Variants in VAV2 observed in about 807,000 individuals in gnomAD.
VAV2 encodes the protein guanine nucleotide exchange factor VAV2.
Under a neutral mutation model 132.5 loss-of-function variants are expected in VAV2, and 67 were observed. That is an observed-to-expected ratio of 0.51 (90% confidence interval 0.42 to 0.62). VAV2 has a LOEUF of 0.62. Among genes scored for constraint, VAV2 ranks in the 20% least tolerant of loss-of-function variants. The pLI, the probability that VAV2 is intolerant of heterozygous loss-of-function variation, is 0.00. For missense variants in VAV2, 938 were observed against 1,153.6 expected (o/e 0.81, Z 2.71); for synonymous variants, 492 against 443.5 (o/e 1.11, Z -1.37).
chr9:133,945,527 A>T (rs1412470097), intron 1 of VAV2, among the ~76,000 whole-genome samples: 3 of 152,218 alleles, frequency 2.0e-5, no homozygotes. Context: ...CCGCGATCTG[A>T]ACCCAGGCCC....
intron 1 of VAV2, among the ~76,000 whole-genome samples, chr9:133,987,360 G>A (rs1392580158): frequency 1.3e-5 from 2 of 152,238 alleles, no homozygotes; most frequent in African/African-American, 2.4e-5. Flanking sequence ...GTGGGGAGAG[G>A]GTGAAACCCA....
At chr9:133,913,171 T>C (rs1839941918) in intron 2 of VAV2, among the ~76,000 whole-genome samples, 1 of 152,124 alleles carries the variant, frequency 6.6e-6, no homozygotes, top group Non-Finnish European at 1.5e-5. Context: ...TGAGACAATG[T>C]CCCAGAGCCC....
chr9:133,908,774 C>G (rs1839769445), intron 2 of VAV2, among the ~76,000 whole-genome samples: 1 of 152,258 alleles, frequency 6.6e-6, no homozygotes, highest in Admixed American at 6.5e-5. Flanking sequence ...AGCTACAAAC[C>G]AGGTGCCAGG....
rs558409979 is a variant in VAV2 at position 133,769,783 on chromosome 9, T to C, written c.2348-280A>G. Among the ~76,000 whole-genome samples the C allele has an allele frequency of 6.6e-6, 1 of 152,292 alleles. No homozygotes were observed. The highest frequency in any genetic ancestry group is 2.4e-5 in the African/African-American group (1 of 41,572). The stretch of plus-strand genomic sequence containing the variant: ...TCCTCTCATGCCCTCGCCTGGCACA[T>C]AGCAGGTGCTCACTAAGGCCAGCTG... On this transcript the variant is annotated intron_variant, in intron 27 of 29. Coordinates refer to ENST00000371850, the MANE Select transcript of VAV2 (RefSeq NM_001134398.2). The surrounding 1 kb of genome is among the most constrained non-coding windows in gnomAD (Gnocchi z 8.1).
chr9:133,861,451 G>C lies in VAV2; in HGVS notation c.322-19C>G, dbSNP rs781243321. On this transcript the variant is annotated intron_variant, in intron 2 of 29. Coordinates refer to ENST00000371850, the MANE Select transcript of VAV2 (RefSeq NM_001134398.2). The stretch of plus-strand genomic sequence containing the variant: ...AGATGACCTGGGGGAGACAAGAAGA[G>C]ACGCTCCTGTAATTTCACAAGAAAC... 6 of 1,612,056 alleles carry C rather than the reference G, an allele frequency of 3.7e-6. No individual in the cohort carries two copies. In the Admixed American group the frequency reaches 6.7e-5, roughly 18 times the overall value.
chr9:133,982,481 A>C (rs1252501792), intron 1 of VAV2, among the ~76,000 whole-genome samples: 1 of 150,420 alleles, frequency 6.6e-6, no homozygotes, highest in African/African-American at 2.5e-5. Flanking sequence ...AGGCCCCAAG[A>C]GGGGGCCTAG....
At chr9:133,948,893 A>G (rs1394510344) in intron 1 of VAV2, among the ~76,000 whole-genome samples, 5 of 152,354 alleles carry the variant, frequency 3.3e-5, no homozygotes, top group Admixed American at 3.3e-4. Context: ...GGGAAGACCC[A>G]GGTCTAATCC....
In VAV2 at chr9:133,769,629, G is replaced by C; in HGVS notation, c.2348-126C>G. On this transcript the variant is annotated intron_variant, in intron 27 of 29. Coordinates refer to ENST00000371850, the MANE Select transcript of VAV2 (RefSeq NM_001134398.2). This position sits in a 1 kb window ranked among gnomAD's most constrained non-coding sequence, Gnocchi z 8.1. Reference sequence around the variant, plus strand: ...CCTTTGGCAGGAGAGGCCCTACAGGGGGGCAAAGGAGGCAGGGGGCAGCAC... The same window carrying C: ...CCTTTGGCAGGAGAGGCCCTACAGGCGGGCAAAGGAGGCAGGGGGCAGCAC... 9.8e-7 allele frequency: 1 copy of C among 1,021,566 alleles called. No homozygotes were observed. The highest frequency in any genetic ancestry group is 1.4e-6 in the Non-Finnish European group (1 of 700,956). 63.3% of individuals were successfully genotyped at this position (1,021,566 alleles called of 1,614,324 possible).
intron 16 of VAV2, 84 bp downstream of exon 16, chr9:133,787,162 G>A (rs1834259457): frequency 1.8e-5 from 26 of 1,420,084 alleles, no homozygotes; most frequent in Non-Finnish European, 2.3e-5. Context: ...TCAGGCCCCT[G>A]GGTCCCCTGG....
rs190954707 is a variant in VAV2, at chr9:133,880,961, G to A, written c.322-19529C>T. 3.5e-3 allele frequency among the ~76,000 whole-genome samples: 532 copies of A among 152,318 alleles called. 1 individual carries two copies. The highest frequency in any genetic ancestry group is 6.7e-3 in the Non-Finnish European group (454 of 68,030). ...GGGCATGAGCCTAGGTGCTGCCTTCGGTGGCTACAGCACAGTCCCCCCACT... is the reference window on the plus strand; with the variant it reads ...GGGCATGAGCCTAGGTGCTGCCTTCAGTGGCTACAGCACAGTCCCCCCACT... On this transcript the variant is annotated intron_variant, in intron 2 of 29. Coordinates refer to ENST00000371850, the MANE Select transcript of VAV2 (RefSeq NM_001134398.2).
At chr9:133,920,981 T>C (rs932201281) in intron 2 of VAV2, among the ~76,000 whole-genome samples, 20 of 152,318 alleles carry the variant, frequency 1.3e-4, no homozygotes, top group Middle Eastern at 6.8e-3. Flanking sequence ...GAAACTCTAA[T>C]TGGGGATATA....
In VAV2 at chr9:133,770,391, G is replaced by A. The variant is rs115522893; in HGVS notation, c.2334C>T (p.Ser778=). The change falls in exon 27 of 30, where the codon TCC becomes TCT. Residue 778 remains serine, a synonymous_variant. Transcript: ENST00000371850. Reference sequence around the variant, plus strand: ...CCGGGGCGTTACCTGGGGACCGGCTGGAGGCCCTGGAGGCCGAACGTTCCC... The same window carrying A: ...CCGGGGCGTTACCTGGGGACCGGCTAGAGGCCCTGGAGGCCGAACGTTCCC... ...KSRERSASRA[S]SRSPASCASY... is the part of the protein sequence containing the mutation. The A allele has an allele frequency of 2.8e-4, 447 of 1,614,020 alleles. 2 individuals are homozygous for A. In the African/African-American group the frequency reaches 4.3e-3, roughly 16 times the overall value.
At chr9:133,835,761 T>A (rs1747882736) in intron 3 of VAV2, among the ~76,000 whole-genome samples, 1 of 152,134 alleles carries the variant, frequency 6.6e-6, no homozygotes, top group African/African-American at 2.4e-5. Context: ...GGACCTGTGC[T>A]CCTGCGGGAG....
intron 2 of VAV2, among the ~76,000 whole-genome samples, chr9:133,920,229 C>A (rs1256945839): frequency 6.6e-6 from 1 of 152,234 alleles, no homozygotes; most frequent in Non-Finnish European, 1.5e-5. Context: ...AGGCCAAGGG[C>A]CAGGAGAGAG....
chr9:133,923,006 C>A (rs1229255793), intron 2 of VAV2, among the ~76,000 whole-genome samples: 3 of 152,214 alleles, frequency 2.0e-5, no homozygotes, highest in Non-Finnish European at 4.4e-5. Flanking sequence ...TCAACAACAA[C>A]AAAATCTGAT....
intron 4 of VAV2, among the ~76,000 whole-genome samples, chr9:133,822,516 C>T (rs186430969): frequency 6.6e-6 from 1 of 152,340 alleles, no homozygotes; most frequent in African/African-American, 2.4e-5. Context: ...CCGCTTTACA[C>T]ATCAGGGAGC....
intron 1 of VAV2, among the ~76,000 whole-genome samples, chr9:133,968,558 C>T (rs1842222194): frequency 6.6e-6 from 1 of 152,012 alleles, no homozygotes; most frequent in Non-Finnish European, 1.5e-5. Flanking sequence ...GGGTCCCTAC[C>T]CATGGGGCCA....
At chr9:133,985,443 G>A (rs991327273) in intron 1 of VAV2, among the ~76,000 whole-genome samples, 8 of 152,176 alleles carry the variant, frequency 5.3e-5, no homozygotes, top group Admixed American at 3.3e-4. Flanking sequence ...CACCACCCCC[G>A]GCTAATTTTT....
chr9:133,946,203 C>T (rs749906045), intron 1 of VAV2, among the ~76,000 whole-genome samples: 8 of 152,200 alleles, frequency 5.3e-5, no homozygotes, highest in Non-Finnish European at 8.8e-5. Context: ...GCCTTTAGTT[C>T]GCAGCAGAGC....
Sources: allele counts gnomAD v4.1 joint callset (sites outside exome capture counted in the v4.1 genomes callset), GRCh38; gene constraint gnomAD v4.1.1; non-coding constraint Gnocchi (gnomAD v3.1); transcripts MANE v1.5; gene names NCBI Gene and HGNC (gene_info 2026-07-23, HGNC 2026-07-21).